HADH: variants seen among roughly 807,000 people sequenced by gnomAD.
HADH encodes the protein hydroxyacyl-CoA dehydrogenase, also known as hydroxyacyl-coenzyme A dehydrogenase, mitochondrial.
Under a neutral mutation model 32.2 loss-of-function variants are expected in HADH, and 24 were observed. The ratio of observed to expected loss-of-function variants is 0.75; its 90% CI spans 0.54 to 1.05. The LOEUF is 1.05. HADH is among the 50% of genes least tolerant of loss of function. The pLI is 0.00. For missense variants in HADH, 350 were observed against 397.1 expected (o/e 0.88, Z 1.01); for synonymous variants, 139 against 152.5 (o/e 0.91, Z 0.65).
At chr4:108,001,435 A>C (rs1329319466) in intron 1 of HADH, among the ~76,000 whole-genome samples, 1 of 152,248 alleles carries the variant, frequency 6.6e-6, no homozygotes, top group African/African-American at 2.4e-5. Flanking sequence ...AGGAACAGAC[A>C]GATAAGAAAC....
intron 6 of HADH, chr4:108,028,823 C>T (rs929197240): frequency 2.5e-6 from 1 of 397,912 alleles, no homozygotes; most frequent in Non-Finnish European, 4.4e-6. Flanking sequence ...ATGGTGTTTT[C>T]CTCACTGTCC....
chr4:107,990,236 G>A (rs1198902705), intron 1 of HADH, among the ~76,000 whole-genome samples, 172 bp downstream of exon 1: 1 of 152,222 alleles, frequency 6.6e-6, no homozygotes, highest in Non-Finnish European at 1.5e-5. Flanking sequence ...GAGGGCCCAA[G>A]TCTCACTCCC....
At chr4:108,025,183 C>A (rs1323819656) in intron 5 of HADH, 1 of 152,204 alleles carries the variant, frequency 6.6e-6, no homozygotes, top group African/African-American at 2.4e-5. Flanking sequence ...ACTTGACTTA[C>A]AAAAACAGGC....
chr4:108,010,214 G>T (rs1240675644), intron 2 of HADH, among the ~76,000 whole-genome samples: 2 of 152,046 alleles, frequency 1.3e-5, no homozygotes, highest in African/African-American at 4.8e-5. Context: ...TTTGCTAAAA[G>T]GATGGAAGAA....
intron 2 of HADH, among the ~76,000 whole-genome samples, chr4:108,010,393 A>G (rs1281969805): frequency 6.8e-6 from 1 of 146,366 alleles, no homozygotes; most frequent in Non-Finnish European, 1.5e-5. Flanking sequence ...TGGTGGGATG[A>G]GAAGGAGTTG....
At chr4:107,991,338 C>T (rs1282900768) in intron 1 of HADH, among the ~76,000 whole-genome samples, 1 of 152,046 alleles carries the variant, frequency 6.6e-6, no homozygotes, top group Non-Finnish European at 1.5e-5. Flanking sequence ...AGAGAGTTTA[C>T]TTTTTCAATG....
intron 1 of HADH, chr4:108,004,522 T>C: frequency 1.6e-6 from 1 of 631,178 alleles, no homozygotes; most frequent in Non-Finnish European, 2.4e-6. Flanking sequence ...AAGAGAAACT[T>C]AGCACTTCTT....
intron 4 of HADH, among the ~76,000 whole-genome samples, chr4:108,021,715 G>A (rs1340782746): frequency 6.6e-6 from 1 of 152,168 alleles, no homozygotes; most frequent in African/African-American, 2.4e-5. Context: ...AGTCAGCAGT[G>A]TTTGTCCCCC....
At chr4:108,034,205 C>T in intron 7 of HADH, 34 bp from the exon 8 acceptor site, 1 of 1,344,580 alleles carries the variant, frequency 7.4e-7, no homozygotes, top group Non-Finnish European at 1.1e-6. Flanking sequence ...AAACCCAGCA[C>T]TTCATCCTGA....
At chr4:108,012,511 A>G (rs536228411) in intron 2 of HADH, among the ~76,000 whole-genome samples, 128 of 152,260 alleles carry the variant, frequency 8.4e-4, no homozygotes, top group African/African-American at 2.8e-3. Flanking sequence ...TCCGGTTTCT[A>G]TTGGCTGGGA....
chr4:108,029,534 C>T (rs1401527111), intron 6 of HADH: 4 of 152,388 alleles, frequency 2.6e-5, no homozygotes, highest in Admixed American at 6.5e-5. Flanking sequence ...TGCACAGCCT[C>T]GGCAGGAGCT....
chr4:108,020,700 G>A (rs749831768), intron 4 of HADH, among the ~76,000 whole-genome samples: 26 of 152,138 alleles, frequency 1.7e-4, no homozygotes, highest in Non-Finnish European at 3.5e-4. Flanking sequence ...CTGAGGAGCA[G>A]CCGCTATTAA....
intron 3 of HADH, 31 bp downstream of exon 3, chr4:108,014,619 T>A (rs775701142): frequency 6.3e-7 from 1 of 1,583,718 alleles, no homozygotes; most frequent in Non-Finnish European, 8.6e-7. Flanking sequence ...CTTCTTTTTT[T>A]TTTTTTTTAA....
At chr4:108,011,519 C>T (rs984151901) in intron 2 of HADH, among the ~76,000 whole-genome samples, 2 of 152,124 alleles carry the variant, frequency 1.3e-5, no homozygotes, top group African/African-American at 4.8e-5. Flanking sequence ...TGGGTGGGGA[C>T]ACAGAGCCAA....
At chr4:108,009,735 G>C in intron 1 of HADH, 24 bp from the exon 2 acceptor site, 1 of 1,612,364 alleles carries the variant, frequency 6.2e-7, no homozygotes, top group Non-Finnish European at 8.5e-7. Flanking sequence ...CTTTTAAAAA[G>C]AAATTGTTCT....
In HADH at chr4:108,027,692, C is replaced by A; in HGVS notation, c.641C>A (p.Thr214Asn). The stretch of plus-strand genomic sequence containing the variant: ...TTTTTCTGTCTCCCAAAACAGGACA[C>A]TCCTGGGTTTATTGTGAACCGCCTC... ...LGKHPVSCKD[T>N]PGFIVNRLLV... is the part of the protein sequence containing the mutation. The change falls in exon 6 of 8, where the codon ACT (threonine) becomes AAT (asparagine). Residue 214 changes from threonine to asparagine, a missense_variant. Thr to Asn is a moderately conservative substitution (Grantham distance 65). Transcript: ENST00000309522. 1 of 1,601,660 alleles carries A rather than the reference C, an allele frequency of 6.2e-7. No individual in the cohort carries two copies. Among genetic ancestry groups the A allele is most frequent in the Non-Finnish European group, 8.6e-7 (1 of 1,168,634 alleles).
chr4:107,995,174 G>T (rs556202599), intron 1 of HADH, among the ~76,000 whole-genome samples: 42 of 152,108 alleles, frequency 2.8e-4, no homozygotes, highest in Non-Finnish European at 1.5e-4. Context: ...ATTATTTCTG[G>T]TAGTGGTATT....
chr4:108,027,475 A>T, intron 5 of HADH: 1 of 614,608 alleles, frequency 1.6e-6, no homozygotes, highest in Non-Finnish European at 2.9e-6. Context: ...GCAGTGGGGC[A>T]TCTGGGTTTG....
At position 108,014,613 on chromosome 4, in the gene HADH, T is replaced by C. The variant is rs749119928; in HGVS notation, c.419+25T>C. ...AGTATGTAACCTCTGGACAATCTTC[T>C]TTTTTTTTTTTTTTAACCTTATTTT... On this transcript the variant is annotated intron_variant, in intron 3 of 7. Transcript: ENST00000309522. The C allele has an allele frequency of 2.1e-5, 12 of 578,128 alleles. No homozygotes were observed. In the South Asian group the frequency reaches 5.9e-4, roughly 29 times the overall value. 35.8% of individuals were successfully genotyped at this position (578,128 alleles called of 1,614,324 possible). A position where few individuals can be genotyped will look rare whatever the true frequency, so the allele number is the denominator to read the frequency against.
Sources: gnomAD v4.1 joint callset for allele counts (sites outside exome capture counted in the v4.1 genomes callset) on GRCh38, gnomAD v4.1.1 for gene constraint, MANE v1.5 for transcripts, NCBI Gene and HGNC (gene_info 2026-07-23, HGNC 2026-07-21) for gene names.